RIT2: variants seen among roughly 807,000 people sequenced by gnomAD.
The protein encoded by RIT2 is GTP-binding protein Rit2.
A neutral mutation model predicts 23.7 loss-of-function variants in RIT2; 24 were observed. The ratio of observed to expected loss-of-function variants is 1.01; its 90% CI spans 0.73 to 1.43. RIT2 has a LOEUF of 1.43. RIT2 is among the 40% of genes most tolerant of loss of function. The pLI, the probability that RIT2 is intolerant of heterozygous loss-of-function variation, is 0.00. For missense variants in RIT2, 236 were observed against 266.9 expected, an observed-to-expected ratio of 0.88 and a Z score of 0.81; for synonymous variants, 107 against 91.1, an observed-to-expected ratio of 1.17 and a Z score of -0.99.
intron 1 of RIT2, among the ~76,000 whole-genome samples, chr18:43,106,668 G>C (rs997830903): frequency 6.6e-6 from 1 of 152,132 alleles, no homozygotes; most frequent in Non-Finnish European, 1.5e-5. Context: ...CATACTTTAG[G>C]AAGAATCAGG....
rs574134139 is a variant in RIT2 at position 42,883,361 on chromosome 18, T to A, written c.426+40211A>T. On this transcript the variant is annotated intron_variant, in intron 4 of 4. Coordinates refer to ENST00000326695, the MANE Select transcript of RIT2 (RefSeq NM_002930.4). ...CATTGTAATTGCTCTGTAGTTAATT[T>A]GTGGTACTCTGTATTTGTTCCATCT... 2.0e-5 allele frequency among the ~76,000 whole-genome samples: 3 copies of A among 152,358 alleles called. No individual in the cohort carries two copies. The South Asian group carries it at 6.2e-4, about 32-fold the overall frequency.
intron 1 of RIT2, among the ~76,000 whole-genome samples, chr18:43,057,274 A>G (rs1167443638): frequency 6.6e-6 from 1 of 152,012 alleles, no homozygotes; most frequent in African/African-American, 2.4e-5. Flanking sequence ...TGATACCACA[A>G]TCTTACTTAT....
intron 1 of RIT2, among the ~76,000 whole-genome samples, chr18:43,070,093 T>C (rs1035441675): frequency 2.0e-5 from 3 of 152,114 alleles, no homozygotes; most frequent in Non-Finnish European, 4.4e-5. Flanking sequence ...AAGGAAAGTA[T>C]GTTTATGGAA....
At chr18:42,922,422 A>G (rs1481471111) in intron 4 of RIT2, among the ~76,000 whole-genome samples, 1 of 152,174 alleles carries the variant, frequency 6.6e-6, no homozygotes, top group Non-Finnish European at 1.5e-5. Flanking sequence ...AGCCAGTTCA[A>G]ATTTAAGGTC....
At chr18:42,769,764 G>A (rs1913505069) in intron 4 of RIT2, among the ~76,000 whole-genome samples, 1 of 151,048 alleles carries the variant, frequency 6.6e-6, no homozygotes. Context: ...GATATTGAAT[G>A]ATTTCTGAAT....
In RIT2 at chr18:42,765,322, C is replaced by T. The variant is rs1487129913; in HGVS notation, c.427-21602G>A. On this transcript the variant is annotated intron_variant, in intron 4 of 4. Transcript: ENST00000326695. ...ACAATTTAAGAACAATAAACTTTAA[C>T]TTGGAACATGTCATTATCTTCTCTG... 2.0e-5 allele frequency among the ~76,000 whole-genome samples: 3 copies of T among 152,182 alleles called. No homozygotes were observed. The East Asian group carries it at 5.8e-4, about 29-fold the overall frequency.
chr18:43,071,435 C>T (rs1191443405), intron 1 of RIT2, among the ~76,000 whole-genome samples: 1 of 152,144 alleles, frequency 6.6e-6, no homozygotes, highest in Non-Finnish European at 1.5e-5. Context: ...TTATTTCTAG[C>T]TAACAATTGG....
chr18:42,795,802 C>T (rs1246465775), intron 4 of RIT2, among the ~76,000 whole-genome samples: 1 of 152,168 alleles, frequency 6.6e-6, no homozygotes, highest in Non-Finnish European at 1.5e-5. Context: ...AATCAGCACC[C>T]TGTGTCTAGC....
In RIT2 at chr18:42,863,081, T is replaced by C. The variant is rs971638498; in HGVS notation, c.426+60491A>G. Among the ~76,000 whole-genome samples, 11 of 152,032 alleles carry C rather than the reference T, an allele frequency of 7.2e-5. No homozygotes were observed. In the South Asian group the frequency reaches 1.5e-3, roughly 20 times the overall value. On this transcript the variant is annotated intron_variant, in intron 4 of 4. Coordinates refer to ENST00000326695, the MANE Select transcript of RIT2 (RefSeq NM_002930.4). Reference sequence around the variant, plus strand: ...CACTGTTGTACCTCCAACAACAAGATGAGGCATTTTATCCAATGAATAGAG... The same window carrying C: ...CACTGTTGTACCTCCAACAACAAGACGAGGCATTTTATCCAATGAATAGAG...
chr18:43,090,362 C>CA (rs2144359412), intron 1 of RIT2, among the ~76,000 whole-genome samples: 1 of 152,090 alleles, frequency 6.6e-6, no homozygotes, highest in African/African-American at 2.4e-5. Flanking sequence ...ACTAGAAAGT[C>CA]AAAAAATACC....
At chr18:43,018,398 A>G (rs1334906837) in intron 2 of RIT2, among the ~76,000 whole-genome samples, 1 of 151,942 alleles carries the variant, frequency 6.6e-6, no homozygotes, top group African/African-American at 2.4e-5. Flanking sequence ...AGGAAACTAC[A>G]TCAAATGGGC....
In RIT2 at chr18:43,033,732, T is replaced by G. The variant is rs529793767; in HGVS notation, c.160+79A>C. On this transcript the variant is annotated intron_variant, in intron 2 of 4. Transcript: ENST00000326695. ...TAGAGTAAATTATATTTATTTTCCA[T>G]CAACATTGCTATTATTTTCAAGCCA... 5.3e-5 allele frequency: 50 copies of G among 941,592 alleles called. No individual in the cohort carries two copies. In the South Asian group the frequency reaches 5.9e-4, roughly 11 times the overall value. 58.3% of individuals were successfully genotyped at this position (941,592 alleles called of 1,614,324 possible). A position where few individuals can be genotyped will look rare whatever the true frequency, so the allele number is the denominator to read the frequency against.
At chr18:42,893,171 T>G (rs1395320501) in intron 4 of RIT2, among the ~76,000 whole-genome samples, 3 of 140,782 alleles carry the variant, frequency 2.1e-5, no homozygotes, top group Non-Finnish European at 4.5e-5. Context: ...GAAGTTACAG[T>G]GAGCCAAGAT....
chr18:42,856,437 C>T (rs2144043192), intron 4 of RIT2, among the ~76,000 whole-genome samples: 1 of 152,318 alleles, frequency 6.6e-6, no homozygotes, highest in South Asian at 2.1e-4. Flanking sequence ...ACACATAAAA[C>T]TAGACAATTT....
chr18:43,016,515 T>C (rs1168551455), intron 2 of RIT2, among the ~76,000 whole-genome samples: 1 of 151,844 alleles, frequency 6.6e-6, no homozygotes, highest in Non-Finnish European at 1.5e-5. Flanking sequence ...ATATAAATTC[T>C]AAATGTACAG....
intron 4 of RIT2, among the ~76,000 whole-genome samples, chr18:42,754,233 T>C (rs989889582): frequency 6.6e-6 from 1 of 152,114 alleles, no homozygotes; most frequent in South Asian, 2.1e-4. Context: ...GCAAGAGTCC[T>C]CCTTCCCTTC....
At chr18:43,058,186 C>G (rs1419159707) in intron 1 of RIT2, among the ~76,000 whole-genome samples, 1 of 151,918 alleles carries the variant, frequency 6.6e-6, no homozygotes, top group Non-Finnish European at 1.5e-5. Context: ...TTGATGTGTC[C>G]TTTTTTTATG....
intron 2 of RIT2, among the ~76,000 whole-genome samples, chr18:43,031,140 T>C (rs1911844872): frequency 6.6e-6 from 1 of 151,886 alleles, no homozygotes; most frequent in South Asian, 2.1e-4. Context: ...TGCTGTCTTG[T>C]CTCGGTGCCT....
At chr18:42,807,682 A>G (rs1320479394) in intron 4 of RIT2, among the ~76,000 whole-genome samples, 1 of 152,200 alleles carries the variant, frequency 6.6e-6, no homozygotes, top group Non-Finnish European at 1.5e-5. Context: ...GAGTGAGAAT[A>G]AAAACATAAA....
Sources: gnomAD v4.1 joint callset for allele counts (sites outside exome capture counted in the v4.1 genomes callset) on GRCh38, gnomAD v4.1.1 for gene constraint, MANE v1.5 for transcripts, NCBI Gene and HGNC (gene_info 2026-07-23, HGNC 2026-07-21) for gene names.